The following PDLIM5 variants were observed in gnomAD, a reference collection of about 807,000 sequenced individuals.
PDLIM5 encodes the protein PDZ and LIM domain 5.
In PDLIM5, 34 loss-of-function variants were observed where a neutral mutation model predicts 64.2. That is an observed-to-expected ratio of 0.53 (90% CI 0.40 to 0.71). The LOEUF (loss-of-function observed/expected upper bound fraction) is 0.71, where lower values mean the gene tolerates loss of function less well. PDLIM5 is among the 30% of genes least tolerant of loss of function. The pLI is 0.00. For synonymous variants in PDLIM5, 253 were observed against 269.1 expected (o/e 0.94, Z 0.59); for missense variants, 683 against 733.6 (o/e 0.93, Z 0.80).
At chr4:94,532,008 G>C (rs1013393057) in intron 3 of PDLIM5, among the ~76,000 whole-genome samples, 1 of 151,670 alleles carries the variant, frequency 6.6e-6, no homozygotes, top group African/African-American at 2.4e-5. Flanking sequence ...TTGTGTATAT[G>C]GTTTCCCATC....
intron 5 of PDLIM5, among the ~76,000 whole-genome samples, chr4:94,583,179 G>A (rs1373251061): frequency 6.6e-6 from 1 of 152,018 alleles, no homozygotes; most frequent in Non-Finnish European, 1.5e-5. Flanking sequence ...ACACTCTGGA[G>A]TTTCAGAACC....
chr4:94,622,524 G>T (rs1739319130), intron 8 of PDLIM5, among the ~76,000 whole-genome samples: 4 of 152,122 alleles, frequency 2.6e-5, no homozygotes. Flanking sequence ...GTTGTTCATT[G>T]AGCCAGTTTT....
Position 94,665,618 on chromosome 4 carries a change from A to G in PDLIM5, c.*1551A>G. ...TCTCAAATAATAAATTAGTTAAATC[A>G]GTTTCTGAGTTATGCCACTGGCTGA... is the stretch of plus-strand genomic sequence containing the variant. On this transcript the variant is annotated 3_prime_UTR_variant, in exon 13 of 13. Transcript: ENST00000317968. 12 of 998,936 alleles carry G rather than the reference A, an allele frequency of 1.2e-5. No individual in the cohort carries two copies. Among genetic ancestry groups the G allele is most frequent in the Non-Finnish European group, 1.3e-5 (11 of 838,510 alleles). 61.9% of individuals were successfully genotyped at this position (998,936 alleles called of 1,614,324 possible).
At chr4:94,645,669 C>A (rs1021509017) in intron 9 of PDLIM5, among the ~76,000 whole-genome samples, 10 of 151,984 alleles carry the variant, frequency 6.6e-5, no homozygotes, top group African/African-American at 1.9e-4. Flanking sequence ...GAAAAAAGAC[C>A]AAAAGAGAAC....
rs773125608 is a variant in PDLIM5, at chr4:94,455,352, A to G, written c.64A>G (p.Lys22Glu). ...TTGGGGTTTCCGGCTGCAGGGCGGT[A>G]AGGATTTCAACATGCCTCTGACAAT... ...APWGFRLQGG[K>E]DFNMPLTISS... The change falls in exon 2 of 13, where the codon AAG (lysine) becomes GAG (glutamate). Residue 22 changes from lysine (K) to glutamate (E), a missense_variant. Coordinates refer to ENST00000317968, the MANE Select transcript of PDLIM5 (RefSeq NM_006457.5). The G allele has an allele frequency of 1.2e-6, 2 of 1,613,156 alleles. No individual in the cohort carries two copies. Among genetic ancestry groups the G allele is most frequent in the African/African-American group, 1.3e-5 (1 of 75,030 alleles).
intron 7 of PDLIM5, among the ~76,000 whole-genome samples, chr4:94,586,825 G>T (rs1736247179): frequency 6.6e-6 from 1 of 152,096 alleles, no homozygotes; most frequent in Non-Finnish European, 1.5e-5. Context: ...TTCTAAAAAT[G>T]CTCTACCCTT....
At chr4:94,503,205 G>A (rs1340923409) in intron 2 of PDLIM5, among the ~76,000 whole-genome samples, 1 of 152,104 alleles carries the variant, frequency 6.6e-6, no homozygotes, top group African/African-American at 2.4e-5. Context: ...TATTAGGGTG[G>A]CAAGCAAATT....
intron 7 of PDLIM5, among the ~76,000 whole-genome samples, chr4:94,602,175 A>G (rs1300969799): frequency 6.6e-6 from 1 of 152,138 alleles, no homozygotes; most frequent in Non-Finnish European, 1.5e-5. Context: ...TTTTCCTCTT[A>G]TTGAAAACTC....
chr4:94,500,808 C>T lies in PDLIM5; in HGVS notation c.97-22916C>T, dbSNP rs915476899. 6.0e-5 allele frequency among the ~76,000 whole-genome samples: 9 copies of T among 150,612 alleles called. No homozygotes were observed. The East Asian group carries it at 1.6e-3, about 26-fold the overall frequency. Reference sequence around the variant, plus strand: ...ATTTATTTATTTATTTATTTTTAGACAGAATCTGGCTGTCTCCCAAGCTGG... The same window carrying T: ...ATTTATTTATTTATTTATTTTTAGATAGAATCTGGCTGTCTCCCAAGCTGG... On this transcript the variant is annotated intron_variant, in intron 2 of 12. Coordinates refer to ENST00000317968, the MANE Select transcript of PDLIM5 (RefSeq NM_006457.5).
intron 8 of PDLIM5, among the ~76,000 whole-genome samples, chr4:94,629,328 A>G (rs2110428975): frequency 6.6e-6 from 1 of 151,884 alleles, no homozygotes; most frequent in South Asian, 2.1e-4. Flanking sequence ...TGCGAGACTC[A>G]GTTTCAAAAA....
In PDLIM5 at chr4:94,587,143, A is replaced by G. The variant is rs1179616306; in HGVS notation, c.920+699A>G. The stretch of plus-strand genomic sequence containing the variant: ...CCTTTTCATTTACTTTTTTTTTTTC[A>G]ACTTCATAGCAAAATCTGTATTAAA... On this transcript the variant is annotated intron_variant, in intron 7 of 12. Coordinates refer to ENST00000317968, the MANE Select transcript of PDLIM5 (RefSeq NM_006457.5). The G allele has an allele frequency of 4.6e-6, 7 of 1,526,666 alleles. No homozygotes were observed. The East Asian group carries it at 9.5e-5, about 21-fold the overall frequency. The allele number at this position is 1,526,666 out of a possible 1,614,324, so 94.6% of individuals were successfully genotyped here.
chr4:94,577,231 T>A (rs1036344190), intron 5 of PDLIM5: 2 of 457,018 alleles, frequency 4.4e-6, no homozygotes, highest in Non-Finnish European at 8.8e-6. Flanking sequence ...AAAATATAAT[T>A]AAAATACTTG....
chr4:94,467,212 T>A (rs1367697480), intron 2 of PDLIM5, among the ~76,000 whole-genome samples: 1 of 152,206 alleles, frequency 6.6e-6, no homozygotes, highest in Non-Finnish European at 1.5e-5. Context: ...CTATTAATGA[T>A]CACAGTGGTA....
intron 3 of PDLIM5, among the ~76,000 whole-genome samples, chr4:94,524,368 CAAAAAAAAAAAAA>C (rs34215993): frequency 1.3e-5 from 1 of 77,214 alleles, no homozygotes; most frequent in Non-Finnish European, 2.6e-5. Flanking sequence ...GACCCTGTCT[CAAAAAAAAAAAAA>C]AAAAAAAAAA....
In PDLIM5 at chr4:94,664,637, A is replaced by G. The variant is rs963468601; in HGVS notation, c.*570A>G. 2.3e-5 allele frequency: 7 copies of G among 307,336 alleles called. No homozygotes were observed. In the South Asian group the frequency reaches 8.9e-4, roughly 39 times the overall value. 19.0% of individuals were successfully genotyped at this position (307,336 alleles called of 1,614,324 possible). A position where few individuals can be genotyped will look rare whatever the true frequency, so the allele number is the denominator to read the frequency against. On this transcript the variant is annotated 3_prime_UTR_variant, in exon 13 of 13. Coordinates refer to ENST00000317968, the MANE Select transcript of PDLIM5 (RefSeq NM_006457.5). ...GTAATCCCAGCACTTTGGGAGGCCA[A>G]GGTGGGTGGACCACATGAGGTCAGG...
intron 2 of PDLIM5, among the ~76,000 whole-genome samples, chr4:94,462,962 C>T (rs929542645): frequency 1.3e-5 from 2 of 152,198 alleles, no homozygotes; most frequent in Non-Finnish European, 2.9e-5. Flanking sequence ...TAAAAACATG[C>T]TGCTCTTCTT....
intron 10 of PDLIM5, among the ~76,000 whole-genome samples, chr4:94,655,405 C>A (rs1560768990): frequency 6.6e-6 from 1 of 152,090 alleles, no homozygotes; most frequent in African/African-American, 2.4e-5. Context: ...CATGGCCCTG[C>A]TGAACTCTAA....
intron 3 of PDLIM5, among the ~76,000 whole-genome samples, chr4:94,557,906 C>T (rs954397897): frequency 1.3e-4 from 20 of 152,166 alleles, no homozygotes; most frequent in Non-Finnish European, 1.8e-4. Context: ...ATTTCTTTCT[C>T]CTGCCTGATT....
intron 2 of PDLIM5, among the ~76,000 whole-genome samples, chr4:94,503,893 A>G (rs1728151732): frequency 2.0e-5 from 3 of 152,232 alleles, no homozygotes; most frequent in Admixed American, 2.0e-4. Context: ...TATTATATGC[A>G]GAATGATAGG....
Sources: gnomAD v4.1 joint callset for allele counts (sites outside exome capture counted in the v4.1 genomes callset) on GRCh38, gnomAD v4.1.1 for gene constraint, MANE v1.5 for transcripts, NCBI Gene and HGNC (gene_info 2026-07-23, HGNC 2026-07-21) for gene names.